FSHR: variants seen among roughly 807,000 people sequenced by gnomAD.
The protein encoded by FSHR is follicle stimulating hormone receptor.
In FSHR, 46 loss-of-function variants were observed where a neutral mutation model predicts 52.1. The observed-to-expected ratio is 0.88, with a 90% CI of 0.70 to 1.13. The LOEUF is 1.13. Among genes scored for constraint, FSHR ranks in the 50% most tolerant of loss-of-function variants. The probability of loss-of-function intolerance (pLI) is 0.00; values close to 1 mark genes in which losing one functional copy is unlikely to be tolerated. For missense variants in FSHR, 964 were observed against 834.6 expected, an observed-to-expected ratio of 1.16 and a Z score of -1.91; for synonymous variants, 399 against 309.6, an observed-to-expected ratio of 1.29 and a Z score of -3.03.
intron 3 of FSHR, among the ~76,000 whole-genome samples, chr2:49,019,774 C>A (rs1667624349): frequency 6.6e-6 from 1 of 152,162 alleles, no homozygotes. Flanking sequence ...TTATTTTGGG[C>A]TTTGACTGGA....
At chr2:49,066,452 CTG>C (rs1205201664) in intron 2 of FSHR, among the ~76,000 whole-genome samples, 1 of 152,038 alleles carries the variant, frequency 6.6e-6, no homozygotes, top group African/African-American at 2.4e-5. Context: ...AGCACGGAGA[CTG>C]AGGAATACGC....
chr2:48,994,708 C>T (rs1329472872), intron 4 of FSHR, among the ~76,000 whole-genome samples: 1 of 152,110 alleles, frequency 6.6e-6, no homozygotes, highest in East Asian at 1.9e-4. Flanking sequence ...TGACTGTTTG[C>T]TGCAAAATTA....
chr2:49,145,347 T>C (rs13411685), intron 1 of FSHR, among the ~76,000 whole-genome samples: 6 of 152,160 alleles, frequency 3.9e-5, no homozygotes, highest in Non-Finnish European at 8.8e-5. Context: ...TTGTTCATTA[T>C]ATTTTAGTTC....
At chr2:49,142,067 C>T (rs897576925) in intron 1 of FSHR, among the ~76,000 whole-genome samples, 5 of 152,164 alleles carry the variant, frequency 3.3e-5, no homozygotes, top group Admixed American at 2.6e-4. Context: ...TTCAGTCTTT[C>T]CTTCTAGTTA....
At chr2:49,145,617 T>A (rs564678538) in intron 1 of FSHR, among the ~76,000 whole-genome samples, 112 of 152,180 alleles carry the variant, frequency 7.4e-4, no homozygotes, top group African/African-American at 2.4e-3. Flanking sequence ...AAATTAGTGA[T>A]TTCGACAATG....
intron 1 of FSHR, among the ~76,000 whole-genome samples, chr2:49,137,402 G>C (rs993202766): frequency 2.0e-5 from 3 of 152,072 alleles, no homozygotes; most frequent in African/African-American, 4.8e-5. Flanking sequence ...ATATTGTTAA[G>C]ATGGCAATAC....
intron 1 of FSHR, among the ~76,000 whole-genome samples, chr2:49,103,619 C>A (rs974894): frequency 6.6e-6 from 1 of 151,802 alleles, no homozygotes; most frequent in Non-Finnish European, 1.5e-5. Context: ...CTGCCTCTAA[C>A]GGCTGGCTCA....
intron 2 of FSHR, among the ~76,000 whole-genome samples, chr2:49,049,928 TTCTGA>T (rs1558411026): frequency 6.6e-6 from 1 of 151,718 alleles, no homozygotes; most frequent in Non-Finnish European, 1.5e-5. Context: ...ATTATTCCCC[TTCTGA>T]TCTGGGCAGT....
At chr2:49,085,225 A>G (rs1355914540) in intron 1 of FSHR, among the ~76,000 whole-genome samples, 1 of 152,272 alleles carries the variant, frequency 6.6e-6, no homozygotes, top group Admixed American at 6.5e-5. Flanking sequence ...CAGCATATAA[A>G]CAGAACCAAA....
chr2:48,994,711 C>T (rs961440052), intron 4 of FSHR, among the ~76,000 whole-genome samples: 1 of 152,050 alleles, frequency 6.6e-6, no homozygotes, highest in African/African-American at 2.4e-5. Context: ...CTGTTTGCTG[C>T]AAAATTATTT....
Position 49,065,821 on chromosome 2 carries a change from A to G in FSHR, c.224+2398T>C, listed in dbSNP as rs138711924. On this transcript the variant is annotated intron_variant, in intron 2 of 9. Transcript: ENST00000406846. ...ATTTTTGAAGGGCAGTTGAAGAACA[A>G]GAGAGATGAAGAGAACTGGATATGG... is the stretch of plus-strand genomic sequence containing the variant. Among the ~76,000 whole-genome samples the G allele has an allele frequency of 5.5e-4, 83 of 152,220 alleles. 1 individual carries two copies. The highest frequency in any genetic ancestry group is 1.8e-3 in the African/African-American group (76 of 41,550).
intron 1 of FSHR, among the ~76,000 whole-genome samples, chr2:49,104,833 C>T (rs1332482784): frequency 3.2e-5 from 4 of 123,406 alleles, no homozygotes; most frequent in Admixed American, 8.7e-5. Context: ...AGTGCCCCCT[C>T]TTGGTATGGG....
intron 9 of FSHR, among the ~76,000 whole-genome samples, chr2:48,964,991 T>C (rs1674404099): frequency 2.1e-5 from 2 of 95,584 alleles, no homozygotes; most frequent in Admixed American, 1.1e-4. Context: ...CCTTTTTGGA[T>C]GCAAAAAAAA....
At chr2:49,019,621 T>C (rs893961340) in intron 3 of FSHR, among the ~76,000 whole-genome samples, 15 of 152,236 alleles carry the variant, frequency 9.9e-5, no homozygotes, top group African/African-American at 3.4e-4. Flanking sequence ...CTATGACATA[T>C]GTAATTTTAT....
At chr2:49,127,787 C>CTTCTTG (rs879458916) in intron 1 of FSHR, among the ~76,000 whole-genome samples, 12 of 52,638 alleles carry the variant, frequency 2.3e-4, no homozygotes, top group Non-Finnish European at 3.1e-4. Context: ...TCTTCTTCTT[C>CTTCTTG]TTCTTCTTCT....
At position 49,068,153 on chromosome 2, in the gene FSHR, T is replaced by A. The variant is rs902997881; in HGVS notation, c.224+66A>T. 32 of 1,188,568 alleles carry A rather than the reference T, an allele frequency of 2.7e-5. 1 individual carries two copies. In the African/African-American group the frequency reaches 4.8e-4, roughly 18 times the overall value. 73.6% of individuals were successfully genotyped at this position (1,188,568 alleles called of 1,614,324 possible). On this transcript the variant is annotated intron_variant, in intron 2 of 9. Transcript: ENST00000406846. ...ACTAAGTGCAGATAGTCATACTAGATGTGGTCTGAGGTTGCTCCCTATAGC... is the reference window on the plus strand; with the variant it reads ...ACTAAGTGCAGATAGTCATACTAGAAGTGGTCTGAGGTTGCTCCCTATAGC...
At chr2:49,088,310 A>G (rs1346166425) in intron 1 of FSHR, among the ~76,000 whole-genome samples, 1 of 152,210 alleles carries the variant, frequency 6.6e-6, no homozygotes, top group African/African-American at 2.4e-5. Flanking sequence ...AGGACCAGGT[A>G]AGAAAATTTA....
intron 4 of FSHR, among the ~76,000 whole-genome samples, chr2:49,002,112 T>C (rs1283526816): frequency 2.0e-5 from 3 of 152,112 alleles, no homozygotes; most frequent in Non-Finnish European, 4.4e-5. Flanking sequence ...GTCTGTAAAA[T>C]GGATCCACCA....
chr2:49,144,999 G>A (rs1183881264), intron 1 of FSHR, among the ~76,000 whole-genome samples: 1 of 152,050 alleles, frequency 6.6e-6, no homozygotes, highest in Non-Finnish European at 1.5e-5. Flanking sequence ...GGAGGGCTAT[G>A]GCCTTTGTTA....
Sources: allele counts gnomAD v4.1 joint callset (sites outside exome capture counted in the v4.1 genomes callset), GRCh38; gene constraint gnomAD v4.1.1; transcripts MANE v1.5; gene names NCBI Gene and HGNC (gene_info 2026-07-23, HGNC 2026-07-21).